SANBR: variants seen among roughly 807,000 people sequenced by gnomAD.
SANBR encodes the protein SANT and BTB domain regulator of CSR.
In SANBR, 77 loss-of-function variants were observed where a neutral mutation model predicts 101.8. The observed-to-expected ratio is 0.76, with a 90% CI of 0.63 to 0.91. The LOEUF (loss-of-function observed/expected upper bound fraction) is 0.91, where lower values mean the gene tolerates loss of function less well. Ranked by LOEUF, SANBR falls within the 40% of genes least tolerant of loss-of-function variation. SANBR has a pLI of 0.00. For missense variants in SANBR, 875 were observed against 853.0 expected (o/e 1.03, Z -0.32); for synonymous variants, 279 against 274.7 (o/e 1.02, Z -0.15).
At chr2:61,080,196 C>CAAAA (rs57117097) in intron 6 of SANBR, among the ~76,000 whole-genome samples, 13 of 113,208 alleles carry the variant, frequency 1.1e-4, no homozygotes, top group South Asian at 3.6e-4. Flanking sequence ...AACTTTGTCT[C>CAAAA]AAAAAAAAAA....
intron 14 of SANBR, among the ~76,000 whole-genome samples, chr2:61,107,255 A>C (rs1181542801): frequency 6.6e-6 from 1 of 152,128 alleles, no homozygotes; most frequent in African/African-American, 2.4e-5. Flanking sequence ...AGATAGCATG[A>C]ATGGATATTT....
At chr2:61,081,546 G>A (rs764773406) in intron 7 of SANBR, 36 bp downstream of exon 7, 8 of 1,484,660 alleles carry the variant, frequency 5.4e-6, no homozygotes, top group South Asian at 1.4e-5. Flanking sequence ...AAGTGCTTCT[G>A]TTCACTTATG....
intron 1 of SANBR, among the ~76,000 whole-genome samples, chr2:61,067,560 A>G (rs1464620178): frequency 6.6e-6 from 1 of 152,092 alleles, no homozygotes; most frequent in Non-Finnish European, 1.5e-5. Flanking sequence ...ACATGGTGAA[A>G]CCCTGTCTCT....
At chr2:61,131,950 A>G (rs1184182923) in intron 20 of SANBR, among the ~76,000 whole-genome samples, 1 of 152,268 alleles carries the variant, frequency 6.6e-6, no homozygotes, top group Non-Finnish European at 1.5e-5. Flanking sequence ...AAATGGCACT[A>G]GGATAGCTAG....
chr2:61,105,059 A>T, intron 13 of SANBR, among the ~76,000 whole-genome samples: 1 of 151,382 alleles, frequency 6.6e-6, no homozygotes, highest in Non-Finnish European at 1.5e-5. Context: ...GCAGGTTGTA[A>T]GGTTAGAGGC....
intron 5 of SANBR, among the ~76,000 whole-genome samples, chr2:61,075,536 G>T (rs1464271419): frequency 2.0e-5 from 3 of 152,212 alleles, no homozygotes; most frequent in Admixed American, 2.0e-4. Context: ...TGGGATTGCA[G>T]GCGTCAGCCA....
At chr2:61,081,570 C>T (rs1682129298) in intron 7 of SANBR, 60 bp downstream of exon 7, 2 of 1,421,202 alleles carry the variant, frequency 1.4e-6, no homozygotes, top group Admixed American at 2.8e-5. Flanking sequence ...TCTTTTCCTT[C>T]AAGTATCTAG....
intron 14 of SANBR, 134 bp downstream of exon 14, chr2:61,106,796 T>C (rs1683595008): frequency 5.5e-6 from 3 of 544,900 alleles, no homozygotes; most frequent in South Asian, 3.0e-5. Flanking sequence ...TGCCTAGTAA[T>C]AGGACTCTAA....
intron 11 of SANBR, among the ~76,000 whole-genome samples, chr2:61,096,889 C>A (rs1453042161): frequency 6.6e-6 from 1 of 152,174 alleles, no homozygotes; most frequent in African/African-American, 2.4e-5. Context: ...CATGGTGGCT[C>A]ACGCCTGTAA....
exon 22 of SANBR, chr2:61,137,675 C>A (rs998555189): frequency 6.6e-6 from 1 of 151,862 alleles, no homozygotes; most frequent in African/African-American, 2.4e-5. Flanking sequence ...AGGTACCCAC[C>A]ACCCAGCATT....
intron 11 of SANBR, chr2:61,094,089 T>C: frequency 5.1e-6 from 5 of 983,514 alleles, no homozygotes; most frequent in Non-Finnish European, 6.0e-6. Context: ...TTTTAAACTG[T>C]TTAAGTTCCC....
Position 61,122,389 on chromosome 2 carries a change from C to A in SANBR, c.*227C>A. 8.2e-7 allele frequency: 1 copy of A among 1,213,258 alleles called. No individual in the cohort carries two copies. The highest frequency in any genetic ancestry group is 1.0e-6 in the Non-Finnish European group (1 of 965,790). The allele number at this position is 1,213,258 out of a possible 1,614,324, so 75.2% of individuals were successfully genotyped here. On this transcript the variant is annotated 3_prime_UTR_variant, in exon 22 of 22. Coordinates refer to ENST00000402291, the MANE Select transcript of SANBR (RefSeq NM_001129993.3). ...GATTTTCTTCTAATATCATTCTAGGCTATGTAGAAAGCAATTATTTACAAA... is the reference window on the plus strand; with the variant it reads ...GATTTTCTTCTAATATCATTCTAGGATATGTAGAAAGCAATTATTTACAAA...
rs1684365153 is a variant in SANBR, at chr2:61,122,312, C to T, written c.*150C>T. The T allele has an allele frequency of 4.9e-6, 6 of 1,233,798 alleles. No homozygotes were observed. The highest frequency in any genetic ancestry group is 6.3e-6 in the Non-Finnish European group (6 of 949,320). 76.4% of individuals were successfully genotyped at this position (1,233,798 alleles called of 1,614,324 possible). A position where few individuals can be genotyped will look rare whatever the true frequency, so the allele number is the denominator to read the frequency against. ...ATAAATCATAATTCTAAAAGAAATG[C>T]ATAGTTAGGTTTTATGAAAATCTAA... On this transcript the variant is annotated 3_prime_UTR_variant, in exon 22 of 22. Transcript: ENST00000402291.
At chr2:61,117,642 G>C (rs1393775574) in intron 19 of SANBR, 102 bp downstream of exon 19, 1 of 1,062,622 alleles carries the variant, frequency 9.4e-7, no homozygotes, top group Non-Finnish European at 1.4e-6. Flanking sequence ...AGAGTTTCTA[G>C]CTAAAGTAAG....
At position 61,113,314 on chromosome 2, in the gene SANBR, C is replaced by T. The variant is rs527820338; in HGVS notation, c.1745-2665C>T. 1.3e-4 allele frequency among the ~76,000 whole-genome samples: 20 copies of T among 152,218 alleles called. No homozygotes were observed. In the South Asian group the frequency reaches 3.3e-3, roughly 25 times the overall value. ...TAAATTATTTTGGCCTTTCAAGGTA[C>T]GTTGCATTTTCTACAAATTTTAGAG... On this transcript the variant is annotated intron_variant, in intron 16 of 21. Transcript: ENST00000402291.
intron 8 of SANBR, among the ~76,000 whole-genome samples, chr2:61,085,482 C>T (rs1172254100): frequency 2.0e-5 from 3 of 151,778 alleles, no homozygotes; most frequent in Non-Finnish European, 4.4e-5. Flanking sequence ...ATTTCTTTGT[C>T]TATCCTTGTA....
chr2:61,131,998 T>G (rs1013112931), intron 20 of SANBR, among the ~76,000 whole-genome samples: 2 of 152,194 alleles, frequency 1.3e-5, no homozygotes, highest in Admixed American at 6.5e-5. Context: ...GATCCTTACA[T>G]CACACCATAT....
chr2:61,108,347 C>A lies in SANBR; in HGVS notation c.1642C>A (p.Leu548Met). The A allele has an allele frequency of 6.4e-7, 1 of 1,565,440 alleles. No homozygotes were observed. The highest frequency in any genetic ancestry group is 1.7e-4 in the Middle Eastern group (1 of 5,846). ...GTCATTGAAAAACTGGACTCTACAA[C>A]TGGTAAGTGAGCAATTACAGTTAGC... ...FLSLKNWTLQ[L>M]KQQSLFSEEE... is the part of the protein sequence containing the mutation. The change falls in exon 15 of 22, where the codon CTG becomes ATG. Residue 548 changes from leucine (L) to methionine (M), a missense_variant and splice_region_variant. Transcript: ENST00000402291.
intron 6 of SANBR, among the ~76,000 whole-genome samples, chr2:61,080,213 AAG>A (rs1682034446): frequency 6.6e-6 from 1 of 151,638 alleles, no homozygotes; most frequent in African/African-American, 2.4e-5. Flanking sequence ...AAAAAAAAAA[AAG>A]CAGCAAAGCT....
Sources: allele counts gnomAD v4.1 joint callset (sites outside exome capture counted in the v4.1 genomes callset), GRCh38; gene constraint gnomAD v4.1.1; transcripts MANE v1.5; gene names NCBI Gene and HGNC (gene_info 2026-07-23, HGNC 2026-07-21).